The following ZNF695 variants were observed in gnomAD, a reference collection of about 807,000 sequenced individuals.
ZNF695 encodes zinc finger protein SBZF3.
A neutral mutation model predicts 11.2 loss-of-function variants in ZNF695; 11 were observed. The observed-to-expected ratio is 0.98, with a 90% CI of 0.62 to 1.62. ZNF695 has a LOEUF of 1.62. ZNF695 is among the 40% of genes most tolerant of loss of function. The pLI is 0.00. For missense variants in ZNF695, 559 were observed against 590.5 expected, an observed-to-expected ratio of 0.95 and a Z score of 0.55; for synonymous variants, 190 against 201.4, an observed-to-expected ratio of 0.94 and a Z score of 0.48.
exon 6 of ZNF695, chr1:246,945,814 T>C: frequency 6.5e-7 from 1 of 1,550,162 alleles, no homozygotes; most frequent in South Asian, 1.2e-5. Flanking sequence ...AGCTCGATGG[T>C]CGACGACTGG....
At chr1:246,983,434 T>C (rs947622652), downstream of ZNF695, among the ~76,000 whole-genome samples, 4 of 152,116 alleles carry the variant, frequency 2.6e-5, no homozygotes, top group East Asian at 7.7e-4. Flanking sequence ...GATGAGAGGA[T>C]AACCTGAGCC....
intron 3 of ZNF695, among the ~76,000 whole-genome samples, chr1:246,990,958 G>C (rs1325400886): frequency 1.3e-5 from 2 of 152,086 alleles, no homozygotes; most frequent in Non-Finnish European, 2.9e-5. Flanking sequence ...AGCAAAAGCA[G>C]TACAAACAGG....
intron 4 of ZNF695, among the ~76,000 whole-genome samples, chr1:246,977,998 T>C (rs1487796725): frequency 4.6e-5 from 7 of 152,222 alleles, no homozygotes; most frequent in Non-Finnish European, 1.5e-5. Flanking sequence ...TAAAAACCAG[T>C]GTTTTTTAAT....
In ZNF695 at chr1:247,007,922, G is replaced by T; in HGVS notation, c.-14C>A. The T allele has an allele frequency of 6.5e-7, 1 of 1,529,026 alleles. No homozygotes were observed. Among genetic ancestry groups the T allele is most frequent in the African/African-American group, 1.4e-5 (1 of 71,240 alleles). 94.7% of individuals were successfully genotyped at this position (1,529,026 alleles called of 1,614,324 possible). ...CACACTCACCATTTCCCAGCTTTTG[G>T]GGGTCCCAGCGTCCTCCCTATAAAT... On this transcript the variant is annotated 5_prime_UTR_variant, in exon 1 of 4. Coordinates refer to ENST00000339986, the MANE Select transcript of ZNF695 (RefSeq NM_020394.5).
intron 3 of ZNF695, chr1:246,995,943 A>G (rs996626284): frequency 4.8e-6 from 2 of 420,606 alleles, no homozygotes; most frequent in African/African-American, 4.1e-5. Flanking sequence ...ATATGGTCAC[A>G]TGAAGAGTTC....
downstream of ZNF695, among the ~76,000 whole-genome samples, chr1:246,980,352 G>A (rs887964581): frequency 7.9e-5 from 12 of 150,982 alleles, 1 homozygote; most frequent in African/African-American, 2.9e-4. Context: ...TATACCTAAA[G>A]CTGTTAATTT....
intron 5 of ZNF695, among the ~76,000 whole-genome samples, chr1:246,960,179 T>C (rs1668127703): frequency 6.6e-6 from 1 of 152,258 alleles, no homozygotes; most frequent in African/African-American, 2.4e-5. Context: ...AACTTTCTCA[T>C]ATTGTAATAC....
chr1:246,997,364 G>A lies in ZNF695; in HGVS notation c.259+1984C>T, dbSNP rs753167023. Among the ~76,000 whole-genome samples the A allele has an allele frequency of 4.6e-5, 7 of 152,094 alleles. 1 individual carries two copies. Among genetic ancestry groups the A allele is most frequent in the Non-Finnish European group, 8.8e-5 (6 of 68,020 alleles). On this transcript the variant is annotated intron_variant, in intron 3 of 3. Transcript: ENST00000339986. ...CTAAAAATACAAAAATTTGCCAGAT[G>A]TGGTGGCGGGCACCTGTAATCCCTG... is the stretch of plus-strand genomic sequence containing the variant.
intron 3 of ZNF695, 55 bp downstream of exon 3, chr1:246,999,293 T>G: frequency 7.0e-7 from 1 of 1,432,884 alleles, no homozygotes; most frequent in Non-Finnish European, 9.8e-7. Context: ...AAAGTCTGGC[T>G]TCTTCCTTGA....
intron 5 of ZNF695, among the ~76,000 whole-genome samples, chr1:246,957,832 C>T (rs1043618983): frequency 6.6e-6 from 1 of 150,846 alleles, no homozygotes; most frequent in African/African-American, 2.4e-5. Context: ...ACAGGTTTTG[C>T]CATGTTGCCC....
intron 5 of ZNF695, among the ~76,000 whole-genome samples, chr1:246,966,291 C>A (rs1457281249): frequency 6.6e-6 from 1 of 152,092 alleles, no homozygotes; most frequent in Non-Finnish European, 1.5e-5. Flanking sequence ...GAGTTTGAGA[C>A]CAACAAGGCC....
At chr1:246,953,266 G>A (rs1056942239) in intron 5 of ZNF695, among the ~76,000 whole-genome samples, 2 of 152,124 alleles carry the variant, frequency 1.3e-5, no homozygotes, top group African/African-American at 4.8e-5. Context: ...ATTACAAATT[G>A]TAAATTTGGA....
At chr1:246,965,319 T>A (rs1370360359) in intron 5 of ZNF695, among the ~76,000 whole-genome samples, 2 of 140,284 alleles carry the variant, frequency 1.4e-5, no homozygotes, top group Non-Finnish European at 3.1e-5. Context: ...ATAGCGCCAC[T>A]GCACTCCAGC....
At chr1:246,984,082 G>A (rs1668778625), downstream of ZNF695, among the ~76,000 whole-genome samples, 1 of 145,874 alleles carries the variant, frequency 6.9e-6, no homozygotes, top group Non-Finnish European at 1.5e-5. Flanking sequence ...AGTCTGGGAG[G>A]CAGAGGTTGC....
intron 5 of ZNF695, among the ~76,000 whole-genome samples, chr1:246,965,099 G>A (rs1410494607): frequency 6.6e-6 from 1 of 151,908 alleles, no homozygotes; most frequent in Admixed American, 6.6e-5. Context: ...CGGGCACGGT[G>A]GTTCACGCCT....
intron 3 of ZNF695, among the ~76,000 whole-genome samples, chr1:246,994,997 G>A (rs6702728): frequency 0.6 from 91,157 of 151,994 alleles, 29,386 homozygotes; most frequent in East Asian, 0.98. Flanking sequence ...CAGGGTTCAC[G>A]ATATATAAAG....
intron 5 of ZNF695, among the ~76,000 whole-genome samples, chr1:246,962,403 T>C (rs1303741141): frequency 6.6e-6 from 1 of 152,236 alleles, no homozygotes; most frequent in African/African-American, 2.4e-5. Flanking sequence ...GTGGTCGTCC[T>C]AGCCTCTTGC....
At chr1:246,980,616 C>G (rs1477547673), downstream of ZNF695, among the ~76,000 whole-genome samples, 2 of 152,116 alleles carry the variant, frequency 1.3e-5, no homozygotes, top group South Asian at 4.1e-4. Context: ...CAGGGTTTCA[C>G]CATGTTGGCC....
intron 5 of ZNF695, among the ~76,000 whole-genome samples, chr1:246,958,034 T>TTTTTG (rs949851818): frequency 1.3e-5 from 2 of 148,564 alleles, no homozygotes; most frequent in African/African-American, 2.6e-5. Context: ...AGGGACTTGG[T>TTTTTG]TTTTGTTTTG....
Sources: gnomAD v4.1 joint callset for allele counts (sites outside exome capture counted in the v4.1 genomes callset) on GRCh38, gnomAD v4.1.1 for gene constraint, MANE v1.5 for transcripts, NCBI Gene and HGNC (gene_info 2026-07-23, HGNC 2026-07-21) for gene names.